TSHZ1: variants seen among roughly 807,000 people sequenced by gnomAD.
TSHZ1 encodes teashirt homolog 1.
TSHZ1 carries 12 observed loss-of-function variants against 67.1 expected under a neutral mutation model. That is an observed-to-expected ratio of 0.18 (90% CI 0.11 to 0.29). The LOEUF (loss-of-function observed/expected upper bound fraction) is 0.29. Ranked by LOEUF, TSHZ1 falls within the 10% of genes least tolerant of loss-of-function variation. TSHZ1 has a pLI of 1.00. For missense variants in TSHZ1, 1,305 were observed against 1,413.9 expected (o/e 0.92, Z 1.23); for synonymous variants, 632 against 622.4 (o/e 1.02, Z -0.23).
intron 1 of TSHZ1, among the ~76,000 whole-genome samples, chr18:75,251,066 T>G (rs760594892): frequency 1.3e-5 from 2 of 152,226 alleles, no homozygotes; most frequent in Non-Finnish European, 2.9e-5. Context: ...TTACTTTGCT[T>G]TTGTCAGTGT....
intron 1 of TSHZ1, among the ~76,000 whole-genome samples, chr18:75,271,032 A>G (rs2023550270): frequency 1.3e-5 from 2 of 152,094 alleles, no homozygotes; most frequent in African/African-American, 2.4e-5. Context: ...AATGGGATAG[A>G]ATTTGTTTTG....
At chr18:75,238,290 G>A (rs1243351838) in intron 1 of TSHZ1, among the ~76,000 whole-genome samples, 1 of 152,146 alleles carries the variant, frequency 6.6e-6, no homozygotes, top group Non-Finnish European at 1.5e-5. Flanking sequence ...CCCTCTAACT[G>A]CCACGGGCAA....
At position 75,211,716 on chromosome 18, in the gene TSHZ1, G is replaced by A; in HGVS notation, c.-161G>A. ...GCCCCGGGCGCGGCGGTCCATGCGA[G>A]CGGCTCCCCGCGGTCCGCGGCGCGC... On this transcript the variant is annotated 5_prime_UTR_variant, in exon 1 of 2. Transcript: ENST00000580243. The A allele has an allele frequency of 4.4e-6, 1 of 229,526 alleles. No homozygotes were observed. Among genetic ancestry groups the A allele is most frequent in the African/African-American group, 2.4e-5 (1 of 41,796 alleles). The allele number at this position is 229,526 out of a possible 1,614,324, so 14.2% of individuals were successfully genotyped here.
At chr18:75,275,380 GGTAACTGGGTTAT>G (rs1568366285) in intron 1 of TSHZ1, among the ~76,000 whole-genome samples, 1 of 152,160 alleles carries the variant, frequency 6.6e-6, no homozygotes. Flanking sequence ...GTGCTGTGAA[GGTAACTGGGTTAT>G]CAGGCAGCAG....
At chr18:75,245,905 G>C (rs1283408236) in intron 1 of TSHZ1, among the ~76,000 whole-genome samples, 1 of 152,186 alleles carries the variant, frequency 6.6e-6, no homozygotes, top group Non-Finnish European at 1.5e-5. Flanking sequence ...CTTGTACTAA[G>C]TGTTGTTCTG....
At chr18:75,243,346 A>G (rs543895258) in intron 1 of TSHZ1, among the ~76,000 whole-genome samples, 6 of 152,324 alleles carry the variant, frequency 3.9e-5, no homozygotes, top group South Asian at 4.1e-4. Flanking sequence ...GAGAAATGCA[A>G]TGATGAGCGG....
chr18:75,288,494 C>T lies in TSHZ1; in HGVS notation c.3087C>T (p.Thr1029=), dbSNP rs1428277625. 6.8e-6 allele frequency: 11 copies of T among 1,614,076 alleles called. No homozygotes were observed. The highest frequency in any genetic ancestry group is 2.7e-5 in the African/African-American group (2 of 74,928). ...AAACTCTGGGCCCACTGGGGGCCAC[C>T]GAGGAAGACTTGGGCTCCACATTCC... ...TNKTLGPLGA[T]EEDLGSTFQC... The change falls in exon 2 of 2, where the codon ACC becomes ACT. Residue 1029 remains threonine (T), a synonymous_variant. Transcript: ENST00000580243. The surrounding 1 kb of genome is among the most constrained non-coding windows in gnomAD (Gnocchi z 4.9).
chr18:75,277,507 T>C (rs2023628493), intron 1 of TSHZ1, among the ~76,000 whole-genome samples: 1 of 152,154 alleles, frequency 6.6e-6, no homozygotes, highest in Non-Finnish European at 1.5e-5. Flanking sequence ...CTCACAGTTC[T>C]GGGCTTGGGA....
chr18:75,239,831 G>T (rs1380956219), intron 1 of TSHZ1, among the ~76,000 whole-genome samples: 1 of 152,194 alleles, frequency 6.6e-6, no homozygotes, highest in Non-Finnish European at 1.5e-5. Flanking sequence ...TCTCTGATAG[G>T]ACATGTACAT....
rs762964879 is a variant in TSHZ1 at position 75,286,613 on chromosome 18, C to T, written c.1206C>T (p.Ala402=). Residue 402 remains alanine, a synonymous_variant, in exon 2 of 2, where the codon GCC becomes GCT. Transcript: ENST00000580243. The surrounding 1 kb of genome is among the most constrained non-coding windows in gnomAD (Gnocchi z 5.1). ...ACCGCTATGGCTACCAGAATGGCGC[C>T]AGCTACACCTGGCAGTTTGAGGCCC... ...PNNRYGYQNG[A]SYTWQFEARK... is the part of the protein sequence containing the mutation. The T allele has an allele frequency of 6.2e-7, 1 of 1,614,250 alleles. No individual in the cohort carries two copies.
rs375952442 is a variant in TSHZ1 at position 75,286,869 on chromosome 18, G to A, written c.1462G>A (p.Asp488Asn). The A allele has an allele frequency of 3.2e-5, 51 of 1,614,024 alleles. No homozygotes were observed. The highest frequency in any genetic ancestry group is 3.3e-4 in the Middle Eastern group (2 of 6,084). Residue 488 changes from aspartate to asparagine, a missense_variant, in exon 2 of 2, where the codon GAC becomes AAC. Physicochemically the swap from Asp to Asn is conservative, Grantham distance 23. Transcript: ENST00000580243. This position sits in a 1 kb window ranked among gnomAD's most constrained non-coding sequence, Gnocchi z 5.1. ...GGCCTCCAGCATCAAAAAGCAGCCC[G>A]ACTCTCCCGCGGGGTCCACGACTTC... ...LPASSIKKQP[D>N]SPAGSTTSEE...
At chr18:75,257,736 C>T (rs747452676) in intron 1 of TSHZ1, among the ~76,000 whole-genome samples, 1 of 152,098 alleles carries the variant, frequency 6.6e-6, no homozygotes, top group African/African-American at 2.4e-5. Context: ...TGTTTGTACG[C>T]GCCCTTCCTC....
intron 1 of TSHZ1, among the ~76,000 whole-genome samples, chr18:75,226,214 C>T (rs182085945): frequency 6.6e-6 from 1 of 152,236 alleles, no homozygotes; most frequent in East Asian, 1.9e-4. Flanking sequence ...TGGATGTAGC[C>T]GTTATGTTTA....
intron 1 of TSHZ1, among the ~76,000 whole-genome samples, chr18:75,237,905 T>A (rs1031084240): frequency 6.6e-6 from 1 of 152,052 alleles, no homozygotes; most frequent in Non-Finnish European, 1.5e-5. Context: ...CTCCGCCTCC[T>A]GGGTTCAAGC....
At chr18:75,228,358 A>T (rs1467013147) in intron 1 of TSHZ1, among the ~76,000 whole-genome samples, 1 of 152,220 alleles carries the variant, frequency 6.6e-6, no homozygotes. Context: ...GGCTTTCCAG[A>T]TGGATCTCCT....
chr18:75,262,615 C>T (rs570784181), intron 1 of TSHZ1, among the ~76,000 whole-genome samples: 1 of 152,320 alleles, frequency 6.6e-6, no homozygotes, highest in Non-Finnish European at 1.5e-5. Context: ...TATCTGGCCT[C>T]AAGAGTGGTC....
Position 75,288,469 on chromosome 18 carries a change from A to G in TSHZ1, c.3062A>G (p.Lys1021Arg). ...QQNVSKVLTN[K>R]TLGPLGATEE... The stretch of plus-strand genomic sequence containing the variant: ...AATGTTTCGAAAGTCCTCACCAACA[A>G]AACTCTGGGCCCACTGGGGGCCACC... Residue 1021 changes from lysine (K) to arginine (R), a missense_variant, in exon 2 of 2, where the codon AAA (lysine) becomes AGA (arginine). Lys to Arg is a conservative substitution (Grantham distance 26). This residue lies in a region of TSHZ1 where 909 missense variants were observed against 961.8 expected (regional missense o/e 0.95). Transcript: ENST00000580243. The surrounding 1 kb of genome is among the most constrained non-coding windows in gnomAD (Gnocchi z 4.9). 1 of 1,614,196 alleles carries G rather than the reference A, an allele frequency of 6.2e-7. No individual in the cohort carries two copies. The highest frequency in any genetic ancestry group is 8.5e-7 in the Non-Finnish European group (1 of 1,180,030).
At chr18:75,278,262 G>A (rs1213742150) in intron 1 of TSHZ1, among the ~76,000 whole-genome samples, 1 of 140,402 alleles carries the variant, frequency 7.1e-6, no homozygotes, top group Non-Finnish European at 1.5e-5. Context: ...CTGGGGGTGG[G>A]TTGGAGGGGG....
At position 75,266,636 on chromosome 18, in the gene TSHZ1, A is replaced by C. The variant is rs536538639; in HGVS notation, c.41-18812A>C. 1.1e-4 allele frequency among the ~76,000 whole-genome samples: 16 copies of C among 152,356 alleles called. No homozygotes were observed. In the South Asian group the frequency reaches 2.9e-3, roughly 28 times the overall value. On this transcript the variant is annotated intron_variant, in intron 1 of 1. Transcript: ENST00000580243. The stretch of plus-strand genomic sequence containing the variant: ...TTGAAAGCCAAAAAGTGGCACTAAA[A>C]TTGAACAGCTTAAATTTTCTTTCAC...
Sources: gnomAD v4.1 joint callset for allele counts (sites outside exome capture counted in the v4.1 genomes callset) on GRCh38, gnomAD v4.1.1 for gene constraint, gnomAD v4.1.1 regional missense constraint, Gnocchi (gnomAD v3.1) non-coding constraint, MANE v1.5 for transcripts, NCBI Gene and HGNC (gene_info 2026-07-23, HGNC 2026-07-21) for gene names.